The following CEP78 variants were observed in gnomAD, a reference collection of about 807,000 sequenced individuals.
The protein encoded by CEP78 is centrosomal protein 78.
In CEP78, 76 loss-of-function variants were observed where a neutral mutation model predicts 81.2. The observed-to-expected ratio is 0.94, with a 90% CI of 0.78 to 1.13. The LOEUF (loss-of-function observed/expected upper bound fraction) is 1.13, where lower values mean the gene tolerates loss of function less well. CEP78 is among the 50% of genes most tolerant of loss of function. The probability of loss-of-function intolerance (pLI) is 0.00; values close to 1 mark genes in which losing one functional copy is unlikely to be tolerated. For synonymous variants in CEP78, 293 were observed against 301.4 expected (o/e 0.97, Z 0.29); for missense variants, 918 against 846.8 (o/e 1.08, Z -1.04).
chr9:78,268,641 G>C (rs752154134), intron 16 of CEP78, among the ~76,000 whole-genome samples: 1 of 151,642 alleles, frequency 6.6e-6, no homozygotes. Context: ...CAAACATAAA[G>C]GAGACCCTCG....
intron 7 of CEP78, 36 bp downstream of exon 7, chr9:78,248,391 A>G: frequency 7.5e-7 from 1 of 1,331,812 alleles, no homozygotes; most frequent in Non-Finnish European, 1.1e-6. Context: ...AAGAATTCTT[A>G]TTTAATTGCT....
Position 78,278,015 on chromosome 9 carries a change from A to G in CEP78, c.*7164A>G, listed in dbSNP as rs953101313. 6.6e-6 allele frequency: 1 copy of G among 152,224 alleles called. No individual in the cohort carries two copies. The highest frequency in any genetic ancestry group is 2.4e-5 in the African/African-American group (1 of 41,456). The allele number at this position is 152,224 out of a possible 1,614,324, so 9.4% of individuals were successfully genotyped here. A position where few individuals can be genotyped will look rare whatever the true frequency, so the allele number is the denominator to read the frequency against. On this transcript the variant is annotated 3_prime_UTR_variant, in exon 17 of 17. Coordinates refer to ENST00000643273, the MANE Select transcript of CEP78 (RefSeq NM_001330691.3). ...AGTTAAAACTTGTTTACCTATACGT[A>G]GCATATATGCGTGTGTGCACCCTAG...
At chr9:78,259,085 A>G (rs759929151) in intron 11 of CEP78, among the ~76,000 whole-genome samples, 1 of 152,226 alleles carries the variant, frequency 6.6e-6, no homozygotes, top group Non-Finnish European at 1.5e-5. Context: ...CCCGATGTCC[A>G]TTAAGAATTA....
chr9:78,252,667 A>G (rs1005780882), intron 9 of CEP78, among the ~76,000 whole-genome samples: 4 of 152,226 alleles, frequency 2.6e-5, no homozygotes, highest in Admixed American at 2.6e-4. Flanking sequence ...GAGATTAACA[A>G]TTGCTTAAGA....
At position 78,271,736 on chromosome 9, in the gene CEP78, T is replaced by C. The variant is rs1827693000; in HGVS notation, c.*885T>C. 1 of 151,562 alleles carries C rather than the reference T, an allele frequency of 6.6e-6. No individual in the cohort carries two copies. Among genetic ancestry groups the C allele is most frequent in the African/African-American group, 2.4e-5 (1 of 41,298 alleles). 9.4% of individuals were successfully genotyped at this position (151,562 alleles called of 1,614,324 possible). A position where few individuals can be genotyped will look rare whatever the true frequency, so the allele number is the denominator to read the frequency against. On this transcript the variant is annotated 3_prime_UTR_variant, in exon 17 of 17. Transcript: ENST00000643273. ...TTTTTTTGAGTCAAGGTCTCACTCA[T>C]GTCACCCAGGCTGGGGTGTAGTGAT...
At chr9:78,259,677 G>A (rs1249639662) in intron 11 of CEP78, among the ~76,000 whole-genome samples, 1 of 152,090 alleles carries the variant, frequency 6.6e-6, no homozygotes, top group Non-Finnish European at 1.5e-5. Flanking sequence ...CCTTTCAAGA[G>A]CCCTATGATA....
At chr9:78,236,967 G>GTTTTTT (rs1825974556) in intron 1 of CEP78, among the ~76,000 whole-genome samples, 7 of 54,486 alleles carry the variant, frequency 1.3e-4, no homozygotes, top group Admixed American at 2.1e-4. Context: ...GTCAGCCTTT[G>GTTTTTT]TCTTTTTTTT....
At chr9:78,258,820 C>A (rs1336560038) in intron 11 of CEP78, among the ~76,000 whole-genome samples, 6 of 152,152 alleles carry the variant, frequency 3.9e-5, no homozygotes, top group Non-Finnish European at 8.8e-5. Context: ...CAACTACACT[C>A]CTATCAGATT....
At chr9:78,267,230 C>T in intron 16 of CEP78, 1 of 357,580 alleles carries the variant, frequency 2.8e-6, no homozygotes, top group Non-Finnish European at 5.3e-6. Context: ...TAATATCATT[C>T]TGGGTGCTAT....
Position 78,262,337 on chromosome 9 carries a change from G to A in CEP78, c.1381-570G>A, listed in dbSNP as rs184940570. ...AAGGTAAATTCCCAGACATTGAATT[G>A]GTAGTATTTACTAAAGATTACTCCA... is the stretch of plus-strand genomic sequence containing the variant. On this transcript the variant is annotated intron_variant, in intron 11 of 16. Transcript: ENST00000643273. 2.1e-4 allele frequency among the ~76,000 whole-genome samples: 32 copies of A among 151,808 alleles called. No homozygotes were observed. The East Asian group carries it at 4.7e-3, about 22-fold the overall frequency.
At chr9:78,266,116 C>G (rs1303026268) in intron 15 of CEP78, among the ~76,000 whole-genome samples, 1 of 152,126 alleles carries the variant, frequency 6.6e-6, no homozygotes, top group African/African-American at 2.4e-5. Context: ...GACTTGAAAA[C>G]TCAGTCTACT....
Position 78,278,151 on chromosome 9 carries a change from G to GT in CEP78, c.*7303dup, listed in dbSNP as rs1168960299. On this transcript the variant is annotated 3_prime_UTR_variant, in exon 17 of 17. Transcript: ENST00000643273. ...ACTCCATTTAATTCTAGGTTGTTTG[G>GT]TTTAAAAAAAAAGTTTTTATGTACA... 6.6e-6 allele frequency: 1 copy of GT among 151,872 alleles called. No homozygotes were observed. The highest frequency in any genetic ancestry group is 2.4e-5 in the African/African-American group (1 of 41,374). 9.4% of individuals were successfully genotyped at this position (151,872 alleles called of 1,614,324 possible).
At position 78,236,160 on chromosome 9, in the gene CEP78, G is replaced by A. The variant is rs1825915629; in HGVS notation, c.-191G>A. ...GCGGGAGGCAGCGCGGGAGTGGGGC[G>A]TTGAGGGGCCGGCCTAGCTTGGGGC... is the stretch of plus-strand genomic sequence containing the variant. On this transcript the variant is annotated 5_prime_UTR_variant, in exon 1 of 17. Coordinates refer to ENST00000643273, the MANE Select transcript of CEP78 (RefSeq NM_001330691.3). 2 of 576,632 alleles carry A rather than the reference G, an allele frequency of 3.5e-6. No homozygotes were observed. The highest frequency in any genetic ancestry group is 3.5e-5 in the Admixed American group (1 of 28,562). 35.7% of individuals were successfully genotyped at this position (576,632 alleles called of 1,614,324 possible).
Position 78,273,606 on chromosome 9 carries a change from G to C in CEP78, c.*2755G>C, listed in dbSNP as rs1587618108. The C allele has an allele frequency of 2.6e-5, 4 of 151,922 alleles. No individual in the cohort carries two copies. Among genetic ancestry groups the C allele is most frequent in the Admixed American group, 2.6e-4 (4 of 15,248 alleles). 9.4% of individuals were successfully genotyped at this position (151,922 alleles called of 1,614,324 possible). On this transcript the variant is annotated 3_prime_UTR_variant, in exon 17 of 17. Transcript: ENST00000643273. ...AAAAAAAAAAAAAAAAATTAGCTGG[G>C]TGTCATGGCGCATGCCTGTAATCCC...
chr9:78,265,706 C>T (rs1827495925), intron 14 of CEP78, among the ~76,000 whole-genome samples, 153 bp from the exon 15 acceptor site: 3 of 152,228 alleles, frequency 2.0e-5, no homozygotes, highest in Middle Eastern at 6.8e-3. Context: ...TGCCCATTTC[C>T]TTATATTGTA....
In CEP78 at chr9:78,238,791, A is replaced by C. The variant is rs556281137; in HGVS notation, c.254-1232A>C. Among the ~76,000 whole-genome samples, 11 of 152,256 alleles carry C rather than the reference A, an allele frequency of 7.2e-5. No individual in the cohort carries two copies. In the South Asian group the frequency reaches 2.3e-3, roughly 32 times the overall value. On this transcript the variant is annotated intron_variant, in intron 1 of 16. Coordinates refer to ENST00000643273, the MANE Select transcript of CEP78 (RefSeq NM_001330691.3). ...GGAACCAGGCCAGGTGCGGTGGCTC[A>C]CACTGGTAATCCTAACACTTTGGGA... is the stretch of plus-strand genomic sequence containing the variant.
At position 78,272,619 on chromosome 9, in the gene CEP78, A is replaced by G. The variant is rs1827717474; in HGVS notation, c.*1768A>G. On this transcript the variant is annotated 3_prime_UTR_variant, in exon 17 of 17. Coordinates refer to ENST00000643273, the MANE Select transcript of CEP78 (RefSeq NM_001330691.3). Reference sequence around the variant, plus strand: ...TTGATTCTAGGTATTGATTGAAAAAATATATTAAAATATATATAAAGTTAA... The same window carrying G: ...TTGATTCTAGGTATTGATTGAAAAAGTATATTAAAATATATATAAAGTTAA... 1 of 152,224 alleles carries G rather than the reference A, an allele frequency of 6.6e-6. No individual in the cohort carries two copies. Among genetic ancestry groups the G allele is most frequent in the Non-Finnish European group, 1.5e-5 (1 of 68,050 alleles). The allele number at this position is 152,224 out of a possible 1,614,324, so 9.4% of individuals were successfully genotyped here.
chr9:78,242,096 T>C (rs1049623841), intron 4 of CEP78, among the ~76,000 whole-genome samples: 8 of 152,230 alleles, frequency 5.3e-5, no homozygotes, highest in African/African-American at 1.9e-4. Context: ...ATTACTACTG[T>C]ATTTAGGATA....
At chr9:78,255,289 T>C (rs1242563521) in intron 11 of CEP78, among the ~76,000 whole-genome samples, 2 of 152,202 alleles carry the variant, frequency 1.3e-5, no homozygotes, top group Admixed American at 1.3e-4. Context: ...TGTAACCAGC[T>C]GATTCAGGGC....
Sources: allele counts gnomAD v4.1 joint callset (sites outside exome capture counted in the v4.1 genomes callset), GRCh38; gene constraint gnomAD v4.1.1; transcripts MANE v1.5; gene names NCBI Gene and HGNC (gene_info 2026-07-23, HGNC 2026-07-21).